SLC8A3: variants seen among roughly 807,000 people sequenced by gnomAD.
SLC8A3 encodes the protein solute carrier family 8 member A3, also known as sodium/calcium exchanger 3.
SLC8A3 carries 37 observed loss-of-function variants against 65.4 expected under a neutral mutation model. The ratio of observed to expected loss-of-function variants is 0.57; its 90% CI spans 0.44 to 0.74. SLC8A3 has a LOEUF of 0.74. SLC8A3 is among the 30% of genes least tolerant of loss of function. The pLI is 0.00. For synonymous variants in SLC8A3, 461 were observed against 444.5 expected (o/e 1.04, Z -0.47); for missense variants, 1,112 against 1,172.1 (o/e 0.95, Z 0.75).
intron 2 of SLC8A3, among the ~76,000 whole-genome samples, chr14:70,126,714 T>C (rs1168917275): frequency 6.6e-6 from 1 of 151,996 alleles, no homozygotes; most frequent in Non-Finnish European, 1.5e-5. Flanking sequence ...GACCTTAGCA[T>C]GCTGATATCA....
intron 2 of SLC8A3, among the ~76,000 whole-genome samples, chr14:70,148,001 G>A (rs867591263): frequency 1.2e-4 from 18 of 152,234 alleles, no homozygotes; most frequent in African/African-American, 3.6e-4. Context: ...TGGTTCGACC[G>A]ACAATTTTTG....
intron 2 of SLC8A3, among the ~76,000 whole-genome samples, chr14:70,130,679 C>T (rs901392091): frequency 1.1e-4 from 16 of 152,208 alleles, no homozygotes; most frequent in African/African-American, 3.6e-4. Flanking sequence ...TCCATCTTGG[C>T]GCCCTGGCTG....
intron 2 of SLC8A3, among the ~76,000 whole-genome samples, chr14:70,159,977 C>T (rs974765865): frequency 6.6e-6 from 1 of 152,148 alleles, no homozygotes; most frequent in Non-Finnish European, 1.5e-5. Context: ...CCACCAACCG[C>T]AGGTTCCACC....
chr14:70,107,726 T>C lies in SLC8A3; in HGVS notation c.1785-46787A>G, dbSNP rs557188488. On this transcript the variant is annotated intron_variant, in intron 2 of 6. Transcript: ENST00000356921. ...AACCAAAGCTTTCCTTTCTGTACATTTTTAATACCAGAAATGACTCCAGCA... is the reference window on the plus strand; with the variant it reads ...AACCAAAGCTTTCCTTTCTGTACATCTTTAATACCAGAAATGACTCCAGCA... 4.4e-4 allele frequency among the ~76,000 whole-genome samples: 67 copies of C among 152,222 alleles called. 1 individual carries two copies. Among genetic ancestry groups the C allele is most frequent in the African/African-American group, 1.6e-3 (65 of 41,498 alleles).
chr14:70,157,244 C>G (rs1420038403), intron 2 of SLC8A3, among the ~76,000 whole-genome samples: 2 of 152,160 alleles, frequency 1.3e-5, no homozygotes, highest in African/African-American at 4.8e-5. Context: ...TGACAGGTGC[C>G]TGTCTCACCT....
chr14:70,152,369 T>A (rs1896323142), intron 2 of SLC8A3, among the ~76,000 whole-genome samples: 1 of 152,170 alleles, frequency 6.6e-6, no homozygotes, highest in South Asian at 2.1e-4. Context: ...TTGGAGCATC[T>A]TAACAGAGAA....
chr14:70,052,770 C>T lies in SLC8A3; in HGVS notation c.1889-656G>A, dbSNP rs187166519. On this transcript the variant is annotated intron_variant, in intron 3 of 6. Transcript: ENST00000356921. ...TTGTTTCTTTCAGAGCTCATTTAAACATCTTCCCATCCAAGTCCACATTCT... is the reference window on the plus strand; with the variant it reads ...TTGTTTCTTTCAGAGCTCATTTAAATATCTTCCCATCCAAGTCCACATTCT... Among the ~76,000 whole-genome samples the T allele has an allele frequency of 3.3e-5, 5 of 152,312 alleles. No individual in the cohort carries two copies. In the East Asian group the frequency reaches 9.6e-4, roughly 29 times the overall value.
chr14:70,073,192 G>C (rs547956346), intron 2 of SLC8A3, among the ~76,000 whole-genome samples: 1 of 152,122 alleles, frequency 6.6e-6, no homozygotes, highest in Non-Finnish European at 1.5e-5. Context: ...GGGGTATGAC[G>C]GAGTGGGCTG....
intron 2 of SLC8A3, among the ~76,000 whole-genome samples, chr14:70,096,021 A>G (rs925673933): frequency 6.6e-6 from 1 of 152,108 alleles, no homozygotes; most frequent in Non-Finnish European, 1.5e-5. Flanking sequence ...AGCTGGGACT[A>G]CAGGTGTGTG....
At chr14:70,056,629 T>G (rs1888148502) in intron 3 of SLC8A3, among the ~76,000 whole-genome samples, 1 of 152,226 alleles carries the variant, frequency 6.6e-6, no homozygotes, top group Non-Finnish European at 1.5e-5. Context: ...CTGTCTATTT[T>G]GGCAACTGTC....
chr14:70,154,326 GTTA>G (rs1005483337), intron 2 of SLC8A3, among the ~76,000 whole-genome samples: 33 of 152,318 alleles, frequency 2.2e-4, no homozygotes, highest in African/African-American at 7.9e-4. Context: ...GCATGCTCAT[GTTA>G]AACATTTAAA....
intron 2 of SLC8A3, among the ~76,000 whole-genome samples, chr14:70,065,303 C>T (rs1889298620): frequency 6.6e-6 from 1 of 152,148 alleles, no homozygotes; most frequent in South Asian, 2.1e-4. Context: ...CAGATCTGGT[C>T]CTTTGCTCCT....
chr14:70,183,055 G>A (rs61978210), intron 1 of SLC8A3, among the ~76,000 whole-genome samples: 8,701 of 152,246 alleles, frequency 0.057, 369 homozygotes, highest in Non-Finnish European at 0.086. Context: ...TTTGGACTTC[G>A]AGGTCCTCTC....
intron 2 of SLC8A3, among the ~76,000 whole-genome samples, chr14:70,124,607 T>C (rs536029018): frequency 6.6e-5 from 10 of 152,268 alleles, no homozygotes; most frequent in Non-Finnish European, 1.3e-4. Context: ...TAGTTCTTGA[T>C]TGCCTATGCA....
intron 2 of SLC8A3, among the ~76,000 whole-genome samples, chr14:70,087,437 C>T (rs1295973606): frequency 6.6e-6 from 1 of 152,218 alleles, no homozygotes; most frequent in Admixed American, 6.5e-5. Context: ...CACTGTCTAT[C>T]AATGGCTACC....
chr14:70,119,812 C>T (rs1300858178), intron 2 of SLC8A3, among the ~76,000 whole-genome samples: 1 of 152,230 alleles, frequency 6.6e-6, no homozygotes, highest in African/African-American at 2.4e-5. Flanking sequence ...TAATTCTTGG[C>T]ACATTGCCTG....
chr14:70,173,378 G>A (rs936017218), intron 1 of SLC8A3, among the ~76,000 whole-genome samples: 2 of 152,112 alleles, frequency 1.3e-5, no homozygotes, highest in Non-Finnish European at 1.5e-5. Flanking sequence ...GCTCAGCCCC[G>A]AGCCTCTCAT....
intron 2 of SLC8A3, among the ~76,000 whole-genome samples, chr14:70,133,833 G>T (rs1895012117): frequency 6.6e-6 from 1 of 152,112 alleles, no homozygotes; most frequent in African/African-American, 2.4e-5. Context: ...AGAAAGCCCT[G>T]GTCATGTTGG....
Position 70,188,657 on chromosome 14 carries a change from G to A in SLC8A3, c.-341C>T, listed in dbSNP as rs959931886. The A allele has an allele frequency of 6.6e-6, 1 of 152,262 alleles. No individual in the cohort carries two copies. The allele number at this position is 152,262 out of a possible 1,614,324, so 9.4% of individuals were successfully genotyped here. A position where few individuals can be genotyped will look rare whatever the true frequency, so the allele number is the denominator to read the frequency against. On this transcript the variant is annotated 5_prime_UTR_variant, in exon 1 of 7. Coordinates refer to ENST00000356921, the MANE Select transcript of SLC8A3 (RefSeq NM_182932.3). ...GGCCAGGGCGAGGGGCCCCGGGAGGGGTCCTTCCGCACGGATTTCAGAAAG... is the reference window on the plus strand; with the variant it reads ...GGCCAGGGCGAGGGGCCCCGGGAGGAGTCCTTCCGCACGGATTTCAGAAAG...
Sources: gnomAD v4.1 joint callset for allele counts (sites outside exome capture counted in the v4.1 genomes callset) on GRCh38, gnomAD v4.1.1 for gene constraint, MANE v1.5 for transcripts, NCBI Gene and HGNC (gene_info 2026-07-23, HGNC 2026-07-21) for gene names.